Variants in YAP1 observed in about 807,000 individuals in gnomAD.
YAP1 encodes transcriptional coactivator YAP1.
In YAP1, 5 loss-of-function variants were observed where a neutral mutation model predicts 56.9. That is an observed-to-expected ratio of 0.09 (90% confidence interval 0.05 to 0.18). YAP1 has a LOEUF of 0.18. Among genes scored for constraint, YAP1 ranks in the 10% least tolerant of loss-of-function variants. The pLI, the probability that YAP1 is intolerant of heterozygous loss-of-function variation, is 1.00. For missense variants in YAP1, 539 were observed against 651.8 expected (o/e 0.83, Z 1.88); for synonymous variants, 265 against 248.1 (o/e 1.07, Z -0.64).
At chr11:102,139,680 AATGCAGATTTT>A (rs1056738985) in intron 2 of YAP1, among the ~76,000 whole-genome samples, 5 of 152,170 alleles carry the variant, frequency 3.3e-5, no homozygotes, top group Admixed American at 3.3e-4. Flanking sequence ...CTTATCATAA[AATGCAGATTTT>A]ATGCAGATTT....
chr11:102,157,815 C>T (rs1946041325), intron 2 of YAP1, among the ~76,000 whole-genome samples: 1 of 152,186 alleles, frequency 6.6e-6, no homozygotes, highest in Non-Finnish European at 1.5e-5. Context: ...AGTGTCTGAG[C>T]AGGTCACTAT....
chr11:102,228,161 A>T (rs1375259379), intron 8 of YAP1, among the ~76,000 whole-genome samples: 2 of 152,058 alleles, frequency 1.3e-5, no homozygotes, highest in African/African-American at 4.8e-5. Flanking sequence ...CAAACTGACA[A>T]CCCTGTTAGA....
At chr11:102,201,423 G>A (rs552499535) in intron 4 of YAP1, among the ~76,000 whole-genome samples, 2 of 152,128 alleles carry the variant, frequency 1.3e-5, no homozygotes, top group East Asian at 1.9e-4. Context: ...AGGAGGAAGC[G>A]GGTGGGAAAT....
intron 3 of YAP1, among the ~76,000 whole-genome samples, chr11:102,175,900 CATT>C (rs1947219414): frequency 6.6e-6 from 1 of 152,192 alleles, no homozygotes; most frequent in Admixed American, 6.5e-5. Flanking sequence ...ACTGAAATGT[CATT>C]ATGCAGCAAA....
At chr11:102,181,539 C>T (rs1269535955) in intron 3 of YAP1, among the ~76,000 whole-genome samples, 1 of 152,164 alleles carries the variant, frequency 6.6e-6, no homozygotes, top group East Asian at 1.9e-4. Flanking sequence ...TTATTTCTAT[C>T]TGGTCATTAA....
At chr11:102,116,592 C>A (rs1943302001) in intron 2 of YAP1, among the ~76,000 whole-genome samples, 1 of 152,084 alleles carries the variant, frequency 6.6e-6, no homozygotes, top group Admixed American at 6.5e-5. Context: ...GAAGATAAAC[C>A]AGGCTAAAAT....
chr11:102,224,533 T>C (rs1437038562), intron 7 of YAP1, among the ~76,000 whole-genome samples: 1 of 152,228 alleles, frequency 6.6e-6, no homozygotes, highest in Non-Finnish European at 1.5e-5. Context: ...CTTTCTTAAA[T>C]ACTCAAAGGT....
chr11:102,183,883 C>T (rs1364365505), intron 3 of YAP1, among the ~76,000 whole-genome samples: 3 of 151,600 alleles, frequency 2.0e-5, no homozygotes, highest in East Asian at 3.9e-4. Context: ...GAGACCATCC[C>T]GGCTAAAATG....
chr11:102,114,468 A>T, intron 2 of YAP1, 74 bp downstream of exon 2: 1 of 1,506,434 alleles, frequency 6.6e-7, no homozygotes, highest in Non-Finnish European at 9.0e-7. Context: ...AGTGGTGTCA[A>T]GATACAGAAT....
intron 6 of YAP1, among the ~76,000 whole-genome samples, chr11:102,221,022 G>T (rs1183772849): frequency 6.6e-6 from 1 of 152,166 alleles, no homozygotes; most frequent in Non-Finnish European, 1.5e-5. Context: ...GATCTTAGTG[G>T]CTGTGCAATG....
At chr11:102,124,284 T>C (rs758469767) in intron 2 of YAP1, among the ~76,000 whole-genome samples, 1 of 152,202 alleles carries the variant, frequency 6.6e-6, no homozygotes, top group African/African-American at 2.4e-5. Context: ...AGTTTGCTAA[T>C]TGAGTGTTTG....
At position 102,157,717 on chromosome 11, in the gene YAP1, G is replaced by A. The variant is rs191578308; in HGVS notation, c.573-4739G>A. Among the ~76,000 whole-genome samples the A allele has an allele frequency of 2.2e-3, 333 of 152,180 alleles. 1 individual carries two copies. Among genetic ancestry groups the A allele is most frequent in the Non-Finnish European group, 3.7e-3 (252 of 67,992 alleles). ...TTTCTCACTTTTCTTCAGGGAAGTG[G>A]GTGACTTGGTTGTCCTGATGTCTCT... On this transcript the variant is annotated intron_variant, in intron 2 of 8. Transcript: ENST00000282441.
intron 3 of YAP1, among the ~76,000 whole-genome samples, chr11:102,167,219 T>C (rs1354329438): frequency 6.6e-6 from 1 of 152,198 alleles, no homozygotes; most frequent in Non-Finnish European, 1.5e-5. Context: ...GAAGATTAAT[T>C]TATATTCTTT....
At chr11:102,113,710 T>A (rs1336657569) in intron 1 of YAP1, among the ~76,000 whole-genome samples, 1 of 152,156 alleles carries the variant, frequency 6.6e-6, no homozygotes, top group Non-Finnish European at 1.5e-5. Context: ...AGAAAAAAAA[T>A]TAATTACTTA....
chr11:102,201,510 A>G (rs1948859220), intron 4 of YAP1, among the ~76,000 whole-genome samples: 1 of 152,240 alleles, frequency 6.6e-6, no homozygotes, highest in African/African-American at 2.4e-5. Flanking sequence ...ATTATAGAAG[A>G]ATAATTTCAG....
intron 5 of YAP1, among the ~76,000 whole-genome samples, chr11:102,208,311 A>G (rs148221729): frequency 1.3e-5 from 2 of 152,276 alleles, no homozygotes; most frequent in Admixed American, 6.5e-5. Flanking sequence ...TCACTTGGTT[A>G]TTGGGTAATA....
At chr11:102,143,627 A>G (rs1461477460) in intron 2 of YAP1, among the ~76,000 whole-genome samples, 4 of 152,198 alleles carry the variant, frequency 2.6e-5, no homozygotes, top group Non-Finnish European at 4.4e-5. Context: ...GGCCATATAT[A>G]TGTTCCCCTT....
intron 6 of YAP1, among the ~76,000 whole-genome samples, chr11:102,214,285 G>A (rs1949559318): frequency 6.6e-6 from 1 of 152,140 alleles, no homozygotes; most frequent in Non-Finnish European, 1.5e-5. Context: ...ATAATGTGTA[G>A]TTGCCATTCC....
At chr11:102,125,644 G>A (rs112224786) in intron 2 of YAP1, among the ~76,000 whole-genome samples, 192 of 152,166 alleles carry the variant, frequency 1.3e-3, no homozygotes, top group African/African-American at 4.3e-3. Flanking sequence ...CTCCCAAAGT[G>A]CTGGGATTAC....
Sources: gnomAD v4.1 joint callset for allele counts (sites outside exome capture counted in the v4.1 genomes callset) on GRCh38, gnomAD v4.1.1 for gene constraint, MANE v1.5 for transcripts, NCBI Gene and HGNC (gene_info 2026-07-23, HGNC 2026-07-21) for gene names.